ARID3B: variants seen among roughly 807,000 people sequenced by gnomAD.
ARID3B encodes AT-rich interaction domain 3B.
Under a neutral mutation model 51.9 loss-of-function variants are expected in ARID3B, and 10 were observed. The observed-to-expected ratio is 0.19, with a 90% CI of 0.12 to 0.33. The LOEUF (loss-of-function observed/expected upper bound fraction) is 0.33. ARID3B is among the 10% of genes least tolerant of loss of function. The probability of loss-of-function intolerance (pLI) is 1.00; values close to 1 mark genes in which losing one functional copy is unlikely to be tolerated. For missense variants in ARID3B, 483 were observed against 716.3 expected, an observed-to-expected ratio of 0.67 and a Z score of 3.72; for synonymous variants, 205 against 279.5, an observed-to-expected ratio of 0.73 and a Z score of 2.66.
intron 2 of ARID3B, among the ~76,000 whole-genome samples, 186 bp from the exon 3 acceptor site, chr15:74,572,676 C>CAA (rs377466587): frequency 7.1e-6 from 1 of 141,078 alleles, no homozygotes. Flanking sequence ...AATCAAAAGC[C>CAA]AAAAAAAAAA....
chr15:74,592,715 C>A (rs762341772), intron 7 of ARID3B, among the ~76,000 whole-genome samples: 1 of 152,214 alleles, frequency 6.6e-6, no homozygotes, highest in African/African-American at 2.4e-5. Context: ...GGCGTAGACT[C>A]CTCTCTCTGA....
chr15:74,577,168 A>G (rs2141469268), intron 4 of ARID3B, among the ~76,000 whole-genome samples: 1 of 152,186 alleles, frequency 6.6e-6, no homozygotes, highest in Middle Eastern at 3.4e-3. Flanking sequence ...AACTAGAGTG[A>G]GTGGTTCAGG....
intron 2 of ARID3B, among the ~76,000 whole-genome samples, chr15:74,561,710 A>G (rs1366591622): frequency 1.3e-5 from 2 of 152,222 alleles, no homozygotes; most frequent in African/African-American, 4.8e-5. Context: ...TTAAATGTCA[A>G]TACATATAAA....
At chr15:74,553,013 G>C (rs566891983) in intron 2 of ARID3B, among the ~76,000 whole-genome samples, 1 of 152,328 alleles carries the variant, frequency 6.6e-6, no homozygotes, top group African/African-American at 2.4e-5. Flanking sequence ...CTGCCCAACT[G>C]TGTCTCAAAG....
At chr15:74,556,878 G>A (rs1289915006) in intron 2 of ARID3B, among the ~76,000 whole-genome samples, 2 of 147,214 alleles carry the variant, frequency 1.4e-5, no homozygotes, top group South Asian at 2.2e-4. Context: ...AGGTTCAAGC[G>A]ATTCTTCTGC....
rs750462911 is a variant in ARID3B, at chr15:74,591,534, T to C, written c.1166-26T>C. On this transcript the variant is annotated intron_variant, in intron 6 of 8. Coordinates refer to ENST00000346246, the MANE Select transcript of ARID3B (RefSeq NM_006465.4). The surrounding 1 kb of genome is among the most constrained non-coding windows in gnomAD (Gnocchi z 5.8). The stretch of plus-strand genomic sequence containing the variant: ...TTGGGGCAAGAGGGTCAATTGTGGA[T>C]TGGTCCAGCTCCAGTTCCTTTGCAG... The C allele has an allele frequency of 6.2e-7, 1 of 1,604,012 alleles. No homozygotes were observed. The highest frequency in any genetic ancestry group is 8.5e-7 in the Non-Finnish European group (1 of 1,172,268).
intron 2 of ARID3B, among the ~76,000 whole-genome samples, chr15:74,561,213 T>G (rs939085744): frequency 1.3e-5 from 2 of 152,210 alleles, no homozygotes; most frequent in Non-Finnish European, 2.9e-5. Context: ...TTCCCTAAGA[T>G]TACAAAAAAT....
chr15:74,546,417 T>G (rs915815925), intron 2 of ARID3B, among the ~76,000 whole-genome samples: 2 of 152,188 alleles, frequency 1.3e-5, no homozygotes, highest in African/African-American at 4.8e-5. Context: ...TCCTAGAAAG[T>G]GCAGCCGCAT....
chr15:74,557,207 G>C (rs2061661880), intron 2 of ARID3B, among the ~76,000 whole-genome samples: 1 of 151,528 alleles, frequency 6.6e-6, no homozygotes, highest in Admixed American at 6.6e-5. Flanking sequence ...TTGAGCCCAG[G>C]AGATCAAGAC....
At chr15:74,594,116 T>C (rs1284167670) in intron 8 of ARID3B, among the ~76,000 whole-genome samples, 1 of 152,052 alleles carries the variant, frequency 6.6e-6, no homozygotes, top group African/African-American at 2.4e-5. Context: ...TTTCATTGGT[T>C]TACGGACGAG....
intron 2 of ARID3B, among the ~76,000 whole-genome samples, chr15:74,565,226 T>A (rs1416914765): frequency 6.6e-6 from 1 of 151,852 alleles, no homozygotes; most frequent in Non-Finnish European, 1.5e-5. Flanking sequence ...TTTATTTTTT[T>A]AATTTTGTAG....
At chr15:74,586,193 G>A (rs1282278032) in intron 4 of ARID3B, among the ~76,000 whole-genome samples, 1 of 152,232 alleles carries the variant, frequency 6.6e-6, no homozygotes, top group Non-Finnish European at 1.5e-5. Context: ...CCACCACCAC[G>A]GTTTCCAGTG....
intron 2 of ARID3B, among the ~76,000 whole-genome samples, chr15:74,549,322 GC>G (rs1274772400): frequency 2.6e-5 from 4 of 152,060 alleles, no homozygotes; most frequent in Admixed American, 2.6e-4. Context: ...TGATCCGTCC[GC>G]CTCGGCCTCC....
chr15:74,556,782 T>G (rs1478019758), intron 2 of ARID3B, among the ~76,000 whole-genome samples: 8 of 147,372 alleles, frequency 5.4e-5, no homozygotes, highest in African/African-American at 1.0e-4. Flanking sequence ...TTTTGTTTTT[T>G]TTTTTTTTTT....
At chr15:74,563,490 G>T (rs1297472733) in intron 2 of ARID3B, among the ~76,000 whole-genome samples, 1 of 152,078 alleles carries the variant, frequency 6.6e-6, no homozygotes, top group Admixed American at 6.5e-5. Flanking sequence ...TGTGTTGTTT[G>T]GGGGGAAAAA....
chr15:74,570,657 A>G (rs1346758478), intron 2 of ARID3B, among the ~76,000 whole-genome samples: 1 of 152,166 alleles, frequency 6.6e-6, no homozygotes, highest in Admixed American at 6.5e-5. Flanking sequence ...TTCAACTGAT[A>G]GGGGCTCCTG....
chr15:74,579,257 C>T (rs919081561), intron 4 of ARID3B, among the ~76,000 whole-genome samples: 42 of 152,298 alleles, frequency 2.8e-4, no homozygotes, highest in African/African-American at 9.9e-4. Context: ...TAGGCAAGAC[C>T]GGGGTGACTT....
chr15:74,541,896 A>C (rs1157353192), intron 1 of ARID3B, among the ~76,000 whole-genome samples: 2 of 152,074 alleles, frequency 1.3e-5, no homozygotes, highest in African/African-American at 4.8e-5. Flanking sequence ...TTTAGATTTG[A>C]GACATAAGTT....
chr15:74,585,327 C>T (rs571638041), intron 4 of ARID3B, among the ~76,000 whole-genome samples: 1 of 152,304 alleles, frequency 6.6e-6, no homozygotes, highest in Non-Finnish European at 1.5e-5. Context: ...GAATACAGCC[C>T]AGAGAGCAGG....
Sources: gnomAD v4.1 joint callset for allele counts (sites outside exome capture counted in the v4.1 genomes callset) on GRCh38, gnomAD v4.1.1 for gene constraint, Gnocchi (gnomAD v3.1) non-coding constraint, MANE v1.5 for transcripts, NCBI Gene and HGNC (gene_info 2026-07-23, HGNC 2026-07-21) for gene names.